Variants in DNPEP observed in about 807,000 individuals in gnomAD.
DNPEP encodes aspartyl aminopeptidase.
DNPEP carries 46 observed loss-of-function variants against 59.1 expected under a neutral mutation model. The observed-to-expected ratio is 0.78, with a 90% CI of 0.61 to 0.99. The LOEUF is 0.99. Among genes scored for constraint, DNPEP ranks in the 50% least tolerant of loss-of-function variants. The pLI, the probability that DNPEP is intolerant of heterozygous loss-of-function variation, is 0.00. For synonymous variants in DNPEP, 229 were observed against 242.2 expected (o/e 0.95, Z 0.50); for missense variants, 617 against 649.9 (o/e 0.95, Z 0.55).
intron 4 of DNPEP, 29 bp downstream of exon 4, chr2:219,386,636 C>T (rs1953849592): frequency 3.8e-6 from 6 of 1,587,028 alleles, no homozygotes; most frequent in Non-Finnish European, 5.2e-6. Context: ...GACATCTCCT[C>T]CCACCCCAAC....
intron 8 of DNPEP, 26 bp from the exon 9 acceptor site, chr2:219,384,469 ACC>A: frequency 6.3e-7 from 1 of 1,589,344 alleles, no homozygotes; most frequent in Middle Eastern, 1.7e-4. Context: ...AGTCAGCCCG[ACC>A]TTCAACCCTC....
At position 219,385,436 on chromosome 2, in the gene DNPEP, G is replaced by A; in HGVS notation, c.762C>T (p.Asp254=). 2 of 1,609,876 alleles carry A rather than the reference G, an allele frequency of 1.2e-6. No individual in the cohort carries two copies. The highest frequency in any genetic ancestry group is 1.1e-5 in the South Asian group (1 of 90,966). The change falls in exon 8 of 15, where the codon GAC becomes GAT. Residue 254 remains aspartate, a synonymous_variant. Coordinates refer to ENST00000273075, the MANE Select transcript of DNPEP (RefSeq NM_012100.4). ...DIVEMELCLA[D]TQPAVLGGAY... ...AGCCAGTCCTCACCGCAGGCTGGGT[G>A]TCTGCAAGGCAGAGCTCCATCTCCA...
At position 219,385,428 on chromosome 2, in the gene DNPEP, G is replaced by A. The variant is rs1257804564; in HGVS notation, c.770C>T (p.Pro257Leu). 1.9e-6 allele frequency: 3 copies of A among 1,609,230 alleles called. No homozygotes were observed. Among genetic ancestry groups the A allele is most frequent in the South Asian group, 2.2e-5 (2 of 90,960 alleles). The change falls in exon 8 of 15, where the codon CCT becomes CTT. Residue 257 changes from proline (P) to leucine (L), a missense_variant. Pro to Leu is a moderately conservative substitution (Grantham distance 98). Coordinates refer to ENST00000273075, the MANE Select transcript of DNPEP (RefSeq NM_012100.4). ...EMELCLADTQ[P>L]AVLGGAYDEF... ...GTTCCTACAGCCAGTCCTCACCGCAGGCTGGGTGTCTGCAAGGCAGAGCTC... is the reference window on the plus strand; with the variant it reads ...GTTCCTACAGCCAGTCCTCACCGCAAGCTGGGTGTCTGCAAGGCAGAGCTC...
intron 1 of DNPEP, among the ~76,000 whole-genome samples, chr2:219,395,446 A>G (rs1277236184): frequency 2.0e-5 from 3 of 152,202 alleles, no homozygotes. Context: ...ACAGGATGGG[A>G]AGGGGGCTCA....
At chr2:219,384,480 T>TC in intron 8 of DNPEP, 37 bp from the exon 9 acceptor site, 1 of 1,557,446 alleles carries the variant, frequency 6.4e-7, no homozygotes, top group Non-Finnish European at 8.8e-7. Context: ...CCTTCAACCC[T>TC]CCACCCCCAC....
chr2:219,374,769 G>T, intron 14 of DNPEP, 86 bp downstream of exon 14: 1 of 1,476,366 alleles, frequency 6.8e-7, no homozygotes, highest in Non-Finnish European at 9.3e-7. Flanking sequence ...CAGTCACTTT[G>T]TGATGGCGAT....
At chr2:219,387,040 C>G in intron 2 of DNPEP, 30 bp downstream of exon 2, 1 of 1,612,054 alleles carries the variant, frequency 6.2e-7, no homozygotes, top group Non-Finnish European at 8.5e-7. Context: ...TCAGCCTCCA[C>G]CCTCCTCCCT....
chr2:219,375,154 A>AGCATTGGCTT, intron 13 of DNPEP, 132 bp from the exon 14 acceptor site: 2 of 921,310 alleles, frequency 2.2e-6, no homozygotes, highest in Non-Finnish European at 3.3e-6. Flanking sequence ...ATCAAAGCCA[A>AGCATTGGCTT]TGCTAAATGG....
At chr2:219,397,503 T>C (rs780162929) in intron 1 of DNPEP, among the ~76,000 whole-genome samples, 2 of 152,122 alleles carry the variant, frequency 1.3e-5, no homozygotes, top group Non-Finnish European at 2.9e-5. Context: ...GTAGCCTCCA[T>C]ATGATCAAGA....
rs150548693 is a variant in DNPEP, at chr2:219,374,730, G to A, written c.1407+125C>T. ...ACCCTTGTTTTCCTACATGGCCCCA[G>A]CATGACAACCAGCCCCCATTACTCA... On this transcript the variant is annotated intron_variant, in intron 14 of 14. Transcript: ENST00000273075. 3.4e-4 allele frequency: 396 copies of A among 1,169,948 alleles called. 2 individuals are homozygous for A. In the African/African-American group the frequency reaches 5.0e-3, roughly 15 times the overall value. 72.5% of individuals were successfully genotyped at this position (1,169,948 alleles called of 1,614,324 possible).
rs777788328 is a variant in DNPEP at position 219,385,720 on chromosome 2, T to G, written c.591-14A>C. On this transcript the variant is annotated splice_polypyrimidine_tract_variant and intron_variant, in intron 6 of 14. Transcript: ENST00000273075. ...AGAATGGGGACTCTGTGGGGAGACG[T>G]GGGTTGTGGGGGGATTGCGAGGAGG... 2.5e-6 allele frequency: 4 copies of G among 1,593,392 alleles called. No individual in the cohort carries two copies. The East Asian group carries it at 9.1e-5, about 36-fold the overall frequency.
At chr2:219,394,447 A>G (rs554591028) in intron 1 of DNPEP, among the ~76,000 whole-genome samples, 1 of 152,148 alleles carries the variant, frequency 6.6e-6, no homozygotes, top group African/African-American at 2.4e-5. Flanking sequence ...TATTATATTC[A>G]TGTTTTTAAA....
intron 13 of DNPEP, among the ~76,000 whole-genome samples, chr2:219,379,296 T>C (rs1468649925): frequency 2.0e-5 from 3 of 151,918 alleles, no homozygotes; most frequent in Non-Finnish European, 4.4e-5. Context: ...GGCAGGTCCT[T>C]TAGGAGCACA....
intron 6 of DNPEP, 106 bp from the exon 7 acceptor site, chr2:219,385,812 T>C (rs1194644897): frequency 7.0e-7 from 1 of 1,420,074 alleles, no homozygotes; most frequent in East Asian, 2.5e-5. Context: ...TGCCCTTCAA[T>C]TCCCAGCCCA....
At chr2:219,381,646 C>T (rs1202241862) in intron 11 of DNPEP, 62 bp from the exon 12 acceptor site, 25 of 1,540,840 alleles carry the variant, frequency 1.6e-5, no homozygotes, top group Non-Finnish European at 2.2e-5. Context: ...ACACTCACCA[C>T]CCTCCCATGG....
Position 219,383,208 on chromosome 2 carries a change from T to C in DNPEP, c.859A>G (p.Ile287Val), listed in dbSNP as rs2125135978. ...GAGCCAGGGCCTGCACAGGAATCTA[T>C]CAAGGCCTGGTTCAGGGAAGGAAAT... Reference protein sequence around the residue: ...HSCFCALQALIDSCAGPGSLA... With the variant: ...HSCFCALQALVDSCAGPGSLA... The change falls in exon 10 of 15, where the codon ATA becomes GTA. Residue 287 changes from isoleucine (I) to valine (V), a missense_variant. Coordinates refer to ENST00000273075, the MANE Select transcript of DNPEP (RefSeq NM_012100.4). 1 of 1,614,076 alleles carries C rather than the reference T, an allele frequency of 6.2e-7. No individual in the cohort carries two copies. Among genetic ancestry groups the C allele is most frequent in the South Asian group, 1.1e-5 (1 of 91,076 alleles).
At chr2:219,377,397 G>A (rs1487717381) in intron 13 of DNPEP, among the ~76,000 whole-genome samples, 4 of 151,106 alleles carry the variant, frequency 2.6e-5, no homozygotes, top group Non-Finnish European at 4.4e-5. Context: ...GGGGCAGCAA[G>A]GAGACATATC....
intron 13 of DNPEP, 93 bp from the exon 14 acceptor site, chr2:219,375,115 C>G: frequency 7.4e-7 from 1 of 1,353,856 alleles, no homozygotes; most frequent in Non-Finnish European, 1.0e-6. Flanking sequence ...TGGGAAGGGG[C>G]CTGGGAGATG....
intron 1 of DNPEP, among the ~76,000 whole-genome samples, chr2:219,396,743 ACC>A (rs1954103186): frequency 6.6e-6 from 1 of 152,134 alleles, no homozygotes; most frequent in African/African-American, 2.4e-5. Context: ...ATAGCATCAA[ACC>A]CTACGCACAC....
Sources: gnomAD v4.1 joint callset for allele counts (sites outside exome capture counted in the v4.1 genomes callset) on GRCh38, gnomAD v4.1.1 for gene constraint, MANE v1.5 for transcripts, NCBI Gene and HGNC (gene_info 2026-07-23, HGNC 2026-07-21) for gene names.